Variants in GPHN observed in about 807,000 individuals in gnomAD.
GPHN encodes the protein gephyrin.
In GPHN, 17 loss-of-function variants were observed where a neutral mutation model predicts 95.5. That is an observed-to-expected ratio of 0.18 (90% CI 0.12 to 0.27). The LOEUF (loss-of-function observed/expected upper bound fraction) is 0.27. GPHN is among the 10% of genes least tolerant of loss of function. The pLI is 1.00. For synonymous variants in GPHN, 320 were observed against 322.5 expected, an observed-to-expected ratio of 0.99 and a Z score of 0.08; for missense variants, 660 against 978.1, an observed-to-expected ratio of 0.67 and a Z score of 4.34.
the GPHN span, among the ~76,000 whole-genome samples, chr14:67,653,190 A>C: frequency 2.0e-5 from 3 of 152,212 alleles, no homozygotes; most frequent in Non-Finnish European, 2.9e-5. Flanking sequence ...TCAGTGGAGA[A>C]ATTTTTCACT....
intron 10 of GPHN, among the ~76,000 whole-genome samples, chr14:67,046,309 G>C (rs145759194): frequency 1.3e-5 from 2 of 152,174 alleles, no homozygotes; most frequent in African/African-American, 4.8e-5. Flanking sequence ...TGTGAAGGAA[G>C]AGTTGTAATT....
intron 3 of GPHN, 46 bp from the exon 4 acceptor site, chr14:66,824,428 G>A (rs750350071): frequency 1.0e-6 from 1 of 957,424 alleles, no homozygotes; most frequent in South Asian, 1.3e-5. Flanking sequence ...TTTTGAGCAA[G>A]CAGGCAAATT....
chr14:66,785,397 T>C (rs1245628146), intron 3 of GPHN, among the ~76,000 whole-genome samples: 1 of 151,720 alleles, frequency 6.6e-6, no homozygotes, highest in African/African-American at 2.4e-5. Context: ...TAAATAAAAT[T>C]TAAAAAGCAT....
the GPHN span, chr14:67,579,740 C>G: frequency 6.2e-7 from 1 of 1,612,908 alleles, no homozygotes. Context: ...TTTGACGGCT[C>G]TTCCACGGTT....
At position 66,514,351 on chromosome 14, in the gene GPHN, C is replaced by T. The variant is rs116871228; in HGVS notation, c.64+5760C>T. On this transcript the variant is annotated intron_variant, in intron 1 of 22. Coordinates refer to ENST00000478722, the MANE Select transcript of GPHN (RefSeq NM_020806.5). ...TTCATGGCAAAAAATTTAAGGAGCA[C>T]TGAATCATAGAAAGAACACTGTAAG... 5.3e-5 allele frequency among the ~76,000 whole-genome samples: 8 copies of T among 152,032 alleles called. No homozygotes were observed. In the East Asian group the frequency reaches 1.5e-3, roughly 29 times the overall value.
intron 17 of GPHN, among the ~76,000 whole-genome samples, chr14:67,135,825 G>A (rs1459676015): frequency 6.6e-6 from 1 of 151,434 alleles, no homozygotes; most frequent in Non-Finnish European, 1.5e-5. Flanking sequence ...AATTCCTATT[G>A]GTAGTATGTC....
chr14:67,416,799 G>T, the GPHN span, among the ~76,000 whole-genome samples: 3 of 152,170 alleles, frequency 2.0e-5, no homozygotes, highest in African/African-American at 7.2e-5. Context: ...AGCATCTTTT[G>T]TACTAATTCC....
At chr14:67,574,253 G>A in the GPHN span, 3 of 1,604,614 alleles carry the variant, frequency 1.9e-6, no homozygotes, top group Non-Finnish European at 1.7e-6. The surrounding 1 kb of genome is among the most constrained non-coding windows in gnomAD (Gnocchi z 4.2). Flanking sequence ...TCATCTCTGA[G>A]AAGAAAACCT....
the GPHN span, among the ~76,000 whole-genome samples, chr14:67,437,345 G>T: frequency 6.6e-6 from 1 of 152,230 alleles, no homozygotes; most frequent in African/African-American, 2.4e-5. Flanking sequence ...CACAGGTACA[G>T]CGATGGGAAA....
chr14:66,857,589 G>C (rs113893616), intron 4 of GPHN, among the ~76,000 whole-genome samples: 79 of 152,282 alleles, frequency 5.2e-4, no homozygotes, highest in African/African-American at 1.6e-3. Flanking sequence ...TAAAGAGGGA[G>C]TAAAGCAAGT....
the GPHN span, among the ~76,000 whole-genome samples, chr14:67,317,836 C>T: frequency 1.3e-5 from 2 of 152,202 alleles, no homozygotes; most frequent in African/African-American, 4.8e-5. Context: ...GAACCCACTA[C>T]CTGCTGGCTA....
chr14:67,353,711 G>A, the GPHN span: 169 of 152,142 alleles, frequency 1.1e-3, 1 homozygote, highest in Middle Eastern at 0.017. Flanking sequence ...GGCTCATCTC[G>A]AACTCTTGAC....
chr14:67,079,839 A>G (rs1275953736), intron 11 of GPHN, among the ~76,000 whole-genome samples: 1 of 152,062 alleles, frequency 6.6e-6, no homozygotes, highest in Non-Finnish European at 1.5e-5. Context: ...TCATTCACCT[A>G]TTAATGAACA....
the GPHN span, among the ~76,000 whole-genome samples, chr14:67,439,581 C>CTTTATTTT: frequency 6.8e-5 from 8 of 118,446 alleles, no homozygotes; most frequent in African/African-American, 3.2e-4. Context: ...TTCTTTCTTT[C>CTTTATTTT]TTTCTTTCTT....
the GPHN span, among the ~76,000 whole-genome samples, chr14:67,537,316 C>G: frequency 6.8e-6 from 1 of 147,874 alleles, no homozygotes; most frequent in Non-Finnish European, 1.5e-5. Flanking sequence ...TGTACTCCAG[C>G]CTGGGTGACA....
At chr14:66,649,940 C>T (rs2064955083) in intron 1 of GPHN, among the ~76,000 whole-genome samples, 1 of 152,098 alleles carries the variant, frequency 6.6e-6, no homozygotes, top group South Asian at 2.1e-4. Flanking sequence ...GCTTCTCTTT[C>T]CTGCATTACA....
the GPHN span, chr14:67,583,748 A>G: frequency 1.2e-6 from 2 of 1,611,148 alleles, no homozygotes; most frequent in Non-Finnish European, 1.7e-6. Flanking sequence ...CAGGTAGAAT[A>G]TGGGGACTTG....
At chr14:67,530,898 C>T in the GPHN span, among the ~76,000 whole-genome samples, 2 of 152,176 alleles carry the variant, frequency 1.3e-5, no homozygotes, top group Non-Finnish European at 2.9e-5. Flanking sequence ...GAAAAGAAGA[C>T]GAATGGCCTC....
chr14:67,069,231 G>A (rs1045965289), intron 11 of GPHN, among the ~76,000 whole-genome samples: 2 of 151,948 alleles, frequency 1.3e-5, no homozygotes, highest in East Asian at 3.9e-4. Context: ...TTTTATTTTC[G>A]CTAACATGCT....
Sources: gnomAD v4.1 joint callset for allele counts (sites outside exome capture counted in the v4.1 genomes callset) on GRCh38, gnomAD v4.1.1 for gene constraint, Gnocchi (gnomAD v3.1) non-coding constraint, MANE v1.5 for transcripts, NCBI Gene and HGNC (gene_info 2026-07-23, HGNC 2026-07-21) for gene names.